Variants in BSN observed in about 807,000 individuals in gnomAD.
BSN encodes protein bassoon.
In BSN, 57 loss-of-function variants were observed where a neutral mutation model predicts 264.8. The ratio of observed to expected loss-of-function variants is 0.22; its 90% CI spans 0.17 to 0.27. The LOEUF (loss-of-function observed/expected upper bound fraction) is 0.27, where lower values mean the gene tolerates loss of function less well. BSN is among the 10% of genes least tolerant of loss of function. The pLI is 1.00. For missense variants in BSN, 4,615 were observed against 5,232.5 expected (o/e 0.88, Z 3.64); for synonymous variants, 2,059 against 2,137.3 (o/e 0.96, Z 1.01).
At chr3:49,644,592 T>G (rs1202690880) in intron 3 of BSN, among the ~76,000 whole-genome samples, 1 of 152,108 alleles carries the variant, frequency 6.6e-6, no homozygotes, top group African/African-American at 2.4e-5. Flanking sequence ...CCTCACTGGC[T>G]CGGGGAAAGG....
intron 1 of BSN, among the ~76,000 whole-genome samples, chr3:49,574,630 C>CTTTTTTTTTTTTTTTTT (rs60300269): frequency 1.9e-5 from 1 of 51,920 alleles, no homozygotes; most frequent in Non-Finnish European, 3.5e-5. Flanking sequence ...GGTGGGGTTT[C>CTTTTTTTTTTTTTTTTT]TTTTTTTTTT....
chr3:49,615,273 G>A (rs778174599), intron 1 of BSN, among the ~76,000 whole-genome samples: 36 of 152,302 alleles, frequency 2.4e-4, no homozygotes, highest in Non-Finnish European at 4.3e-4. Flanking sequence ...AACACTGATG[G>A]TTCCTTCATG....
Position 49,654,013 on chromosome 3 carries a change from C to T in BSN, c.4457C>T (p.Ser1486Leu), listed in dbSNP as rs1488422348. The T allele has an allele frequency of 5.0e-6, 8 of 1,613,752 alleles. No homozygotes were observed. In the African/African-American group the frequency reaches 1.1e-4, roughly 22 times the overall value. Residue 1486 changes from serine to leucine, a missense_variant, in exon 5 of 12, where the codon TCA (serine) becomes TTA (leucine). Coordinates refer to ENST00000296452, the MANE Select transcript of BSN (RefSeq NM_003458.4). This position sits in a 1 kb window ranked among gnomAD's most constrained non-coding sequence, Gnocchi z 4.1. ...SSPPLSPSSP[S>L]ESPTFSPGKM... The stretch of plus-strand genomic sequence containing the variant: ...CCACCTCTCTCCCCGTCTTCCCCCT[C>T]AGAGAGTCCCACATTCTCCCCTGGC...
Position 49,625,290 on chromosome 3 carries a change from G to A in BSN, c.540G>A (p.Ser180=), listed in dbSNP as rs186878900. 28 of 1,600,874 alleles carry A rather than the reference G, an allele frequency of 1.7e-5. No individual in the cohort carries two copies. The highest frequency in any genetic ancestry group is 7.9e-5 in the South Asian group (7 of 88,634). Reference sequence around the variant, plus strand: ...TATGCAAGACTTCGGACCTCACGTCGACCCCCAGCCAGCCAAACTTCAACA... The same window carrying A: ...TATGCAAGACTTCGGACCTCACGTCAACCCCCAGCCAGCCAAACTTCAACA... The part of the protein sequence containing the change: ...CPICKTSDLT[S]TPSQPNFNTC... The change falls in exon 2 of 12, where the codon TCG becomes TCA. Residue 180 remains serine (S), a synonymous_variant. Transcript: ENST00000296452. This position sits in a 1 kb window ranked among gnomAD's most constrained non-coding sequence, Gnocchi z 4.4.
At position 49,655,693 on chromosome 3, in the gene BSN, G is replaced by A. The variant is rs748620628; in HGVS notation, c.6137G>A (p.Arg2046His). The A allele has an allele frequency of 2.1e-5, 34 of 1,613,578 alleles. No individual in the cohort carries two copies. The highest frequency in any genetic ancestry group is 4.5e-5 in the East Asian group (2 of 44,876). ...CAGTATGGCTCAGTCACGGACCTGC[G>A]TCATCCTACAGACCTTTTGGCTCAC... is the stretch of plus-strand genomic sequence containing the variant. ...GLQYGSVTDL[R>H]HPTDLLAHPL... The change falls in exon 5 of 12, where the codon CGT becomes CAT. Residue 2046 changes from arginine (R) to histidine (H), a missense_variant. By Grantham distance (29) the Arg-to-His change is conservative. Around this residue, in one of 3 missense-constraint regions of BSN, gnomAD observed 3,415 missense variants for 3,866.4 expected, o/e 0.88. Transcript: ENST00000296452.
intron 1 of BSN, among the ~76,000 whole-genome samples, chr3:49,573,290 G>A (rs79231469): frequency 1.3e-5 from 2 of 152,296 alleles, no homozygotes; most frequent in African/African-American, 4.8e-5. Context: ...AGCCTTCTAG[G>A]CAGGTGGAAC....
Position 49,655,439 on chromosome 3 carries a change from G to A in BSN, c.5883G>A (p.Val1961=), listed in dbSNP as rs1559616430. 11 of 1,570,100 alleles carry A rather than the reference G, an allele frequency of 7.0e-6. No homozygotes were observed. The East Asian group carries it at 1.3e-4, about 19-fold the overall frequency. Residue 1961 remains valine (V), a synonymous_variant, in exon 5 of 12, where the codon GTG becomes GTA. Coordinates refer to ENST00000296452, the MANE Select transcript of BSN (RefSeq NM_003458.4). ...EPPTYRAQGV[V]GPGPHEEQRP... ...CAACCTACCGGGCACAGGGGGTGGT[G>A]GGGCCTGGGCCCCATGAGGAGCAGA...
At chr3:49,600,137 A>G (rs2052061282) in intron 1 of BSN, among the ~76,000 whole-genome samples, 1 of 152,240 alleles carries the variant, frequency 6.6e-6, no homozygotes, top group Admixed American at 6.5e-5. Flanking sequence ...GATTCCCACG[A>G]CAATGCTGTG....
chr3:49,667,490 G>T (rs2052720877), intron 11 of BSN, 100 bp from the exon 12 acceptor site: 2 of 152,670 alleles, frequency 1.3e-5, no homozygotes, highest in Admixed American at 1.3e-4. Context: ...CAGGCAGATG[G>T]CTGAGAGGAA....
At chr3:49,586,333 T>TATCTATCTATCC (rs1291657453) in intron 1 of BSN, among the ~76,000 whole-genome samples, 4 of 151,216 alleles carry the variant, frequency 2.6e-5, no homozygotes, top group African/African-American at 9.7e-5. Flanking sequence ...CAGCTCTATC[T>TATCTATCTATCC]ATCTATCTAT....
At chr3:49,606,397 A>G (rs1390798433) in intron 1 of BSN, among the ~76,000 whole-genome samples, 1 of 131,946 alleles carries the variant, frequency 7.6e-6, no homozygotes, top group Non-Finnish European at 1.6e-5. Flanking sequence ...CCACCAGGGT[A>G]GTTTCTCTCC....
intron 1 of BSN, among the ~76,000 whole-genome samples, chr3:49,572,365 T>G (rs925787000): frequency 6.6e-6 from 1 of 152,256 alleles, no homozygotes; most frequent in South Asian, 2.1e-4. Context: ...GAGTGGGTGA[T>G]GGATCAAGGA....
chr3:49,655,537 TCAA>T lies in BSN; in HGVS notation c.5983_5985del (p.Asn1995del). On this transcript the variant is annotated inframe_deletion, in exon 5 of 12. Coordinates refer to ENST00000296452, the MANE Select transcript of BSN (RefSeq NM_003458.4). Reference sequence around the variant, plus strand: ...GACACCAATTTGGCTGAGGCTGGCCTCAACTACCATGCCCAGAGGATCGGGCAG... The same window carrying T: ...GACACCAATTTGGCTGAGGCTGGCCTCTACCATGCCCAGAGGATCGGGCAG... 1.9e-6 allele frequency: 3 copies of T among 1,612,324 alleles called. No homozygotes were observed. The highest frequency in any genetic ancestry group is 2.5e-6 in the Non-Finnish European group (3 of 1,179,228).
chr3:49,644,239 CTT>C (rs2052489221), intron 3 of BSN, among the ~76,000 whole-genome samples: 1 of 152,214 alleles, frequency 6.6e-6, no homozygotes. Flanking sequence ...CCTCTGGTCT[CTT>C]GGGCTGAGCC....
intron 11 of BSN, among the ~76,000 whole-genome samples, chr3:49,666,174 G>A (rs998303496): frequency 1.3e-5 from 2 of 152,246 alleles, no homozygotes; most frequent in African/African-American, 2.4e-5. Context: ...AAGCATGTAT[G>A]TGTTATCCAT....
chr3:49,649,916 A>G (rs2052527817), intron 3 of BSN, among the ~76,000 whole-genome samples: 1 of 152,216 alleles, frequency 6.6e-6, no homozygotes, highest in Non-Finnish European at 1.5e-5. Context: ...CATCAGAGGA[A>G]CAGTCCAGAG....
At chr3:49,564,073 T>A (rs2051735097) in intron 1 of BSN, among the ~76,000 whole-genome samples, 1 of 152,182 alleles carries the variant, frequency 6.6e-6, no homozygotes, top group African/African-American at 2.4e-5. Context: ...CTCCTGTGGC[T>A]GTGATGGGAC....
rs183320657 is a variant in BSN at position 49,568,222 on chromosome 3, A to T, written c.224+13396A>T. Among the ~76,000 whole-genome samples the T allele has an allele frequency of 2.9e-3, 439 of 152,328 alleles. 7 individuals carry two copies. The Middle Eastern group carries it at 0.041, about 14-fold the overall frequency. ...CCATTTTTGGAAAATACAGTCTGCC[A>T]CAGCTGGAAAAAATATATTCTGCCT... On this transcript the variant is annotated intron_variant, in intron 1 of 11. Coordinates refer to ENST00000296452, the MANE Select transcript of BSN (RefSeq NM_003458.4).
At chr3:49,626,893 T>C (rs2052344290) in intron 2 of BSN, among the ~76,000 whole-genome samples, 1 of 152,176 alleles carries the variant, frequency 6.6e-6, no homozygotes, top group African/African-American at 2.4e-5. Context: ...CACCAAACCA[T>C]GGCCCCTGCC....
Sources: gnomAD v4.1 joint callset for allele counts (sites outside exome capture counted in the v4.1 genomes callset) on GRCh38, gnomAD v4.1.1 for gene constraint, gnomAD v4.1.1 regional missense constraint, Gnocchi (gnomAD v3.1) non-coding constraint, MANE v1.5 for transcripts, NCBI Gene and HGNC (gene_info 2026-07-23, HGNC 2026-07-21) for gene names.